MACROD2: variants seen among roughly 807,000 people sequenced by gnomAD.
MACROD2 encodes ADP-ribose glycohydrolase MACROD2.
In MACROD2, 36 loss-of-function variants were observed where a neutral mutation model predicts 70.4. That is an observed-to-expected ratio of 0.51 (90% CI 0.39 to 0.68). The LOEUF (loss-of-function observed/expected upper bound fraction) is 0.68. Among genes scored for constraint, MACROD2 ranks in the 30% least tolerant of loss-of-function variants. MACROD2 has a pLI of 0.00. For synonymous variants in MACROD2, 172 were observed against 178.8 expected (o/e 0.96, Z 0.30); for missense variants, 496 against 538.4 (o/e 0.92, Z 0.78).
chr20:14,194,135 C>T (rs1453144247), intron 3 of MACROD2, among the ~76,000 whole-genome samples: 2 of 152,112 alleles, frequency 1.3e-5, no homozygotes, highest in Non-Finnish European at 1.5e-5. Context: ...TCTTAATGCT[C>T]CATATCAGAA....
chr20:15,648,108 C>T (rs1483911237), intron 8 of MACROD2, among the ~76,000 whole-genome samples: 1 of 152,102 alleles, frequency 6.6e-6, no homozygotes. Flanking sequence ...TGGATGACGG[C>T]AGAGGTGTAA....
chr20:14,126,308 T>C (rs1186230127), intron 3 of MACROD2, among the ~76,000 whole-genome samples: 1 of 152,178 alleles, frequency 6.6e-6, no homozygotes, highest in Non-Finnish European at 1.5e-5. Flanking sequence ...TCTCTACTTT[T>C]TATAAGGACA....
At chr20:14,690,142 CAT>C (rs1346452823) in intron 5 of MACROD2, among the ~76,000 whole-genome samples, 1 of 151,974 alleles carries the variant, frequency 6.6e-6, no homozygotes, top group Non-Finnish European at 1.5e-5. Flanking sequence ...GCATAGCTCA[CAT>C]GTCTATTTTA....
intron 5 of MACROD2, among the ~76,000 whole-genome samples, chr20:14,818,168 A>G (rs900163252): frequency 1.3e-5 from 2 of 152,146 alleles, no homozygotes; most frequent in Admixed American, 6.6e-5. Context: ...TGTTCTAGGC[A>G]TGGAGGCAGA....
intron 8 of MACROD2, among the ~76,000 whole-genome samples, chr20:15,603,326 C>A (rs914259401): frequency 6.6e-6 from 1 of 150,720 alleles, no homozygotes; most frequent in Non-Finnish European, 1.5e-5. Flanking sequence ...GGTGAAACCC[C>A]ATCTCTACTA....
intron 8 of MACROD2, among the ~76,000 whole-genome samples, chr20:15,621,427 A>G (rs1342010231): frequency 6.6e-6 from 1 of 152,202 alleles, no homozygotes; most frequent in African/African-American, 2.4e-5. Flanking sequence ...GGACATGCAG[A>G]TTGCAATAAT....
intron 6 of MACROD2, among the ~76,000 whole-genome samples, chr20:15,316,654 G>A (rs1360328297): frequency 1.3e-5 from 2 of 152,026 alleles, no homozygotes; most frequent in South Asian, 2.1e-4. Context: ...TGGAGACCAA[G>A]AAGGACATAG....
intron 10 of MACROD2, 90 bp downstream of exon 10, chr20:15,885,901 A>G (rs2064816343): frequency 7.7e-7 from 1 of 1,293,982 alleles, no homozygotes; most frequent in Non-Finnish European, 1.0e-6. Context: ...GAAAGACAAA[A>G]TAAGATTAAT....
At chr20:15,320,202 C>CA (rs571729064) in intron 6 of MACROD2, among the ~76,000 whole-genome samples, 171 of 151,192 alleles carry the variant, frequency 1.1e-3, no homozygotes, top group Non-Finnish European at 2.0e-3. Flanking sequence ...GACTCCATCT[C>CA]AAAAAAAACA....
At chr20:16,007,863 C>T (rs2147520095) in intron 15 of MACROD2, among the ~76,000 whole-genome samples, 1 of 152,110 alleles carries the variant, frequency 6.6e-6, no homozygotes, top group Middle Eastern at 3.4e-3. Context: ...TGTAACTTAC[C>T]CAACTTTATA....
chr20:15,001,650 G>A (rs1400544804), intron 5 of MACROD2, among the ~76,000 whole-genome samples: 2 of 151,804 alleles, frequency 1.3e-5, no homozygotes, highest in Non-Finnish European at 2.9e-5. Flanking sequence ...TTTTCTAGGG[G>A]GATTTATGTT....
At chr20:14,194,602 T>C (rs1234847245) in intron 3 of MACROD2, among the ~76,000 whole-genome samples, 7 of 152,154 alleles carry the variant, frequency 4.6e-5, no homozygotes, top group African/African-American at 7.2e-5. Context: ...CTAACTCCAC[T>C]GAAGACAGGG....
At chr20:14,565,394 A>G (rs926739089) in intron 4 of MACROD2, among the ~76,000 whole-genome samples, 20 of 151,978 alleles carry the variant, frequency 1.3e-4, no homozygotes, top group African/African-American at 4.6e-4. Context: ...CATCACCACA[A>G]GGATTCCTCT....
intron 5 of MACROD2, among the ~76,000 whole-genome samples, chr20:14,776,324 G>A (rs916413998): frequency 6.6e-6 from 1 of 152,008 alleles, no homozygotes. Flanking sequence ...GACATGAGTA[G>A]TTTAATATGT....
chr20:14,405,999 TTGAATTATTCCTG>T (rs1159502985), intron 3 of MACROD2, among the ~76,000 whole-genome samples: 1 of 152,176 alleles, frequency 6.6e-6, no homozygotes, highest in African/African-American at 2.4e-5. Context: ...CAACAGTAAC[TTGAATTATTCCTG>T]TGGATCATAA....
At chr20:14,424,410 A>G (rs942487896) in intron 3 of MACROD2, among the ~76,000 whole-genome samples, 1 of 152,214 alleles carries the variant, frequency 6.6e-6, no homozygotes, top group Non-Finnish European at 1.5e-5. Context: ...CTACAATACC[A>G]CTGATACCAC....
intron 6 of MACROD2, among the ~76,000 whole-genome samples, chr20:15,247,092 T>C (rs576742582): frequency 3.3e-5 from 5 of 152,298 alleles, no homozygotes; most frequent in Non-Finnish European, 5.9e-5. Flanking sequence ...TTTGAGGTGA[T>C]GGAAATGATC....
At chr20:15,561,406 C>T (rs2146607274) in intron 8 of MACROD2, among the ~76,000 whole-genome samples, 1 of 152,276 alleles carries the variant, frequency 6.6e-6, no homozygotes, top group African/African-American at 2.4e-5. Flanking sequence ...TTTGACTACT[C>T]AACAGCTAAG....
chr20:15,598,147 A>T (rs948403584), intron 8 of MACROD2, among the ~76,000 whole-genome samples: 5 of 152,212 alleles, frequency 3.3e-5, no homozygotes, highest in African/African-American at 7.2e-5. Context: ...CTTTCCACCT[A>T]TGAAAAGCAC....
Sources: allele counts gnomAD v4.1 joint callset (sites outside exome capture counted in the v4.1 genomes callset), GRCh38; gene constraint gnomAD v4.1.1; transcripts MANE v1.5; gene names NCBI Gene and HGNC (gene_info 2026-07-23, HGNC 2026-07-21).